Variants in ERC1 observed in about 807,000 individuals in gnomAD.
The protein encoded by ERC1 is ELKS/RAB6-interacting/CAST family member 1, also known as RAB6 interacting protein 2.
ERC1 carries 56 observed loss-of-function variants against 132.0 expected under a neutral mutation model. That is an observed-to-expected ratio of 0.42 (90% confidence interval 0.34 to 0.53). ERC1 has a LOEUF of 0.53. Among genes scored for constraint, ERC1 ranks in the 20% least tolerant of loss-of-function variants. The pLI is 0.03. For synonymous variants in ERC1, 478 were observed against 476.1 expected (o/e 1.00, Z -0.05); for missense variants, 1,202 against 1,349.9 (o/e 0.89, Z 1.72).
chr12:1,420,069 T>C (rs1182538134), intron 17 of ERC1, among the ~76,000 whole-genome samples: 2 of 152,206 alleles, frequency 1.3e-5, no homozygotes, highest in Non-Finnish European at 2.9e-5. Context: ...AACTGGTTGC[T>C]TTATTAGCAT....
chr12:1,424,833 AGATAGATAGAT>A (rs1306203328), intron 17 of ERC1, among the ~76,000 whole-genome samples: 173 of 94,702 alleles, frequency 1.8e-3, no homozygotes, highest in Non-Finnish European at 3.0e-3. Flanking sequence ...ATAGATAGAT[AGATAGATAGAT>A]GATAGATAGA....
intron 1 of ERC1, among the ~76,000 whole-genome samples, chr12:999,609 A>ATTTTTTTT (rs10661786): frequency 7.8e-5 from 8 of 102,932 alleles, no homozygotes; most frequent in Admixed American, 1.2e-4. Flanking sequence ...GTGCTAGGTG[A>ATTTTTTTT]TTTTTTTTTT....
intron 18 of ERC1, among the ~76,000 whole-genome samples, chr12:1,470,623 C>T (rs1007750361): frequency 6.6e-6 from 1 of 152,004 alleles, no homozygotes; most frequent in African/African-American, 2.4e-5. Context: ...TTTATAACGA[C>T]GAGCCCTTAA....
intron 17 of ERC1, among the ~76,000 whole-genome samples, chr12:1,410,228 C>G (rs1330148158): frequency 6.6e-6 from 1 of 152,220 alleles, no homozygotes; most frequent in Non-Finnish European, 1.5e-5. Context: ...CCAACATTAA[C>G]TACTAATTTT....
chr12:1,207,373 G>A (rs1957439735), intron 12 of ERC1, among the ~76,000 whole-genome samples: 1 of 152,104 alleles, frequency 6.6e-6, no homozygotes. Context: ...TTTACAAGGA[G>A]TTTGACTTAT....
intron 8 of ERC1, among the ~76,000 whole-genome samples, chr12:1,177,039 A>T (rs1359179868): frequency 6.6e-6 from 1 of 152,176 alleles, no homozygotes; most frequent in East Asian, 1.9e-4. Context: ...TTCTTTCCTT[A>T]AACCTCATGA....
At chr12:1,229,121 C>T (rs1373933505) in intron 12 of ERC1, among the ~76,000 whole-genome samples, 2 of 152,110 alleles carry the variant, frequency 1.3e-5, no homozygotes, top group Non-Finnish European at 2.9e-5. Flanking sequence ...TGGAAATCAG[C>T]TATGAAGCCA....
intron 2 of ERC1, among the ~76,000 whole-genome samples, chr12:1,080,756 G>A (rs1413800714): frequency 2.6e-5 from 4 of 152,038 alleles, no homozygotes; most frequent in Admixed American, 6.6e-5. Context: ...GGCTTCCTCA[G>A]CCATGTGGAA....
At chr12:1,244,501 T>G (rs774143866) in intron 13 of ERC1, 22 of 158,236 alleles carry the variant, frequency 1.4e-4, no homozygotes, top group East Asian at 5.2e-4. Context: ...CTTAATGGTT[T>G]GTTTGTTTGT....
chr12:1,420,944 A>G (rs1450411496), intron 17 of ERC1, among the ~76,000 whole-genome samples: 2 of 148,602 alleles, frequency 1.3e-5, no homozygotes, highest in African/African-American at 5.0e-5. Flanking sequence ...TTAATTATAA[A>G]GCATTCTATT....
intron 15 of ERC1, among the ~76,000 whole-genome samples, chr12:1,367,183 A>G (rs1217560405): frequency 6.6e-6 from 1 of 152,252 alleles, no homozygotes; most frequent in Non-Finnish European, 1.5e-5. Flanking sequence ...CTAGGAAGGT[A>G]GCAGAATCAA....
chr12:1,082,992 A>T, intron 2 of ERC1, 172 bp from the exon 3 acceptor site: 1 of 584,174 alleles, frequency 1.7e-6, no homozygotes, highest in Non-Finnish European at 3.0e-6. Flanking sequence ...AATTACTGAC[A>T]TTTTGCATAT....
At chr12:1,194,970 T>C (rs567502187) in intron 12 of ERC1, among the ~76,000 whole-genome samples, 1 of 149,708 alleles carries the variant, frequency 6.7e-6, no homozygotes, top group East Asian at 2.0e-4. Context: ...GGGGGCAGGG[T>C]GTGTTTTGAA....
chr12:1,368,122 A>G (rs551615598), intron 15 of ERC1, among the ~76,000 whole-genome samples: 7 of 152,044 alleles, frequency 4.6e-5, no homozygotes, highest in Admixed American at 1.3e-4. Context: ...ATGGGAATGA[A>G]GTCAGAATGT....
In ERC1 at chr12:1,370,150, C is replaced by G. The variant is rs532427067; in HGVS notation, c.2781-1683C>G. Reference sequence around the variant, plus strand: ...AGTTCCTATAAATCAAATATGTCTTCTTTCATAAAAGATGAGCTACTGAGA... The same window carrying G: ...AGTTCCTATAAATCAAATATGTCTTGTTTCATAAAAGATGAGCTACTGAGA... On this transcript the variant is annotated intron_variant, in intron 15 of 18. Coordinates refer to ENST00000360905, the MANE Select transcript of ERC1 (RefSeq NM_178040.4). Among the ~76,000 whole-genome samples the G allele has an allele frequency of 2.6e-5, 4 of 152,308 alleles. No individual in the cohort carries two copies. In the South Asian group the frequency reaches 8.3e-4, roughly 32 times the overall value.
At chr12:1,127,406 GATAA>G (rs1396352503) in intron 7 of ERC1, among the ~76,000 whole-genome samples, 4 of 152,108 alleles carry the variant, frequency 2.6e-5, no homozygotes, top group African/African-American at 4.8e-5. Flanking sequence ...TAGGGGGTTG[GATAA>G]ATAAAGTATT....
chr12:1,231,309 G>A (rs557474422), intron 12 of ERC1, among the ~76,000 whole-genome samples: 1 of 152,200 alleles, frequency 6.6e-6, no homozygotes, highest in African/African-American at 2.4e-5. Context: ...GCAATTTTAT[G>A]TCTCCCTCCT....
At chr12:1,073,279 G>A (rs1241602504) in intron 2 of ERC1, among the ~76,000 whole-genome samples, 3 of 150,618 alleles carry the variant, frequency 2.0e-5, no homozygotes, top group Non-Finnish European at 3.0e-5. Context: ...CCAGCCTAGC[G>A]ACAGAGCAAG....
intron 16 of ERC1, among the ~76,000 whole-genome samples, chr12:1,381,542 T>G (rs749323205): frequency 2.6e-4 from 39 of 152,282 alleles, no homozygotes; most frequent in Non-Finnish European, 5.3e-4. Flanking sequence ...TGTTAATCTT[T>G]TAAAAATTAT....
Sources: allele counts gnomAD v4.1 joint callset (sites outside exome capture counted in the v4.1 genomes callset), GRCh38; gene constraint gnomAD v4.1.1; transcripts MANE v1.5; gene names NCBI Gene and HGNC (gene_info 2026-07-23, HGNC 2026-07-21).